The following PRRG1 variants were observed in gnomAD, a reference collection of about 807,000 sequenced individuals.
The protein encoded by PRRG1 is proline rich and Gla domain 1.
PRRG1 carries 5 observed loss-of-function variants against 11.8 expected under a neutral mutation model. The observed-to-expected ratio is 0.42, with a 90% CI of 0.22 to 0.89. PRRG1 has a LOEUF of 0.89. Ranked by LOEUF, PRRG1 falls within the 40% of genes least tolerant of loss-of-function variation. The pLI is 0.28. For missense variants in PRRG1, 155 were observed against 166.1 expected (o/e 0.93, Z 0.37); for synonymous variants, 66 against 60.4 (o/e 1.09, Z -0.43).
chrX:37,384,877 G>A (rs1931273753), intron 1 of PRRG1, among the ~76,000 whole-genome samples: 2 of 111,742 alleles, frequency 1.8e-5, no homozygotes, highest in African/African-American at 3.2e-5. Flanking sequence ...TTGGAAAACT[G>A]TTTAGTAGTA....
chrX:37,453,056 G>A lies in PRRG1; in HGVS notation c.172-80G>A, dbSNP rs1281270444. The A allele has an allele frequency of 4.8e-6, 5 of 1,034,000 alleles. No homozygotes were observed. The African/African-American group carries it at 9.7e-5, about 20-fold the overall frequency. The allele number at this position is 1,034,000 out of a possible 1,213,427, so 85.2% of individuals were successfully genotyped here. A position where few individuals can be genotyped will look rare whatever the true frequency, so the allele number is the denominator to read the frequency against. On this transcript the variant is annotated intron_variant, in intron 3 of 3. Transcript: ENST00000378628. ...TGGGTTTTTGTTCATTATGTTCATT[G>A]AACCCAGACATTTATTCATCTGGTA...
intron 1 of PRRG1, among the ~76,000 whole-genome samples, chrX:37,402,106 G>A (rs1932012754): frequency 9.0e-6 from 1 of 111,514 alleles, no homozygotes; most frequent in Non-Finnish European, 1.9e-5. Context: ...AGCTGCCAAT[G>A]ACTTTCTTCA....
intron 2 of PRRG1, among the ~76,000 whole-genome samples, chrX:37,421,704 T>A (rs1932665007): frequency 8.9e-6 from 1 of 112,260 alleles, no homozygotes; most frequent in Admixed American, 9.4e-5. Context: ...GTTCTCAGGA[T>A]CTCCTGAGGG....
intron 1 of PRRG1, among the ~76,000 whole-genome samples, chrX:37,372,024 C>T (rs1930778281): frequency 8.8e-6 from 1 of 113,029 alleles, no homozygotes; most frequent in African/African-American, 3.2e-5. Context: ...TATGGTAGTA[C>T]TTTTTAAATT....
intron 1 of PRRG1, among the ~76,000 whole-genome samples, chrX:37,356,047 C>T (rs1453649301): frequency 8.9e-6 from 1 of 112,360 alleles, no homozygotes; most frequent in Admixed American, 9.4e-5. Context: ...ACTGAGGATA[C>T]AACAGTATAT....
rs781910330 is a variant in PRRG1 at position 37,405,615 on chromosome X, G to A, written c.-41-594G>A. Among the ~76,000 whole-genome samples, 5 of 110,510 alleles carry A rather than the reference G, an allele frequency of 4.5e-5. No homozygotes were observed. The South Asian group carries it at 1.2e-3, about 26-fold the overall frequency. ...TGTACACCCTTTCTCTGTAATTGCA[G>A]TGTATGTTTTTTGTTTCTCCAAAGT... On this transcript the variant is annotated intron_variant, in intron 1 of 3. Transcript: ENST00000378628.
chrX:37,406,139 T>C, intron 1 of PRRG1, 70 bp from the exon 2 acceptor site: 3 of 970,307 alleles, frequency 3.1e-6, no homozygotes, highest in Non-Finnish European at 4.3e-6. Flanking sequence ...TCAGCTGTAC[T>C]GGAGCTTATC....
intron 1 of PRRG1, among the ~76,000 whole-genome samples, chrX:37,364,300 C>G (rs1422314689): frequency 8.9e-6 from 1 of 111,818 alleles, no homozygotes; most frequent in Non-Finnish European, 1.9e-5. Flanking sequence ...TTCTCATTAC[C>G]TCCTTTTCTC....
chrX:37,442,257 C>T, intron 3 of PRRG1: 1 of 739,001 alleles, frequency 1.4e-6, no homozygotes, highest in Non-Finnish European at 1.6e-6. Context: ...GCCTACAACA[C>T]TCTCACCTTT....
At chrX:37,403,589 C>T (rs1330940865) in intron 1 of PRRG1, among the ~76,000 whole-genome samples, 2 of 106,054 alleles carry the variant, frequency 1.9e-5, no homozygotes, top group Non-Finnish European at 3.9e-5. Flanking sequence ...TGTAACTAAG[C>T]TGGACATTGT....
intron 1 of PRRG1, among the ~76,000 whole-genome samples, chrX:37,382,694 T>C (rs1297202166): frequency 1.0e-5 from 1 of 96,612 alleles, no homozygotes; most frequent in Non-Finnish European, 1.9e-5. Flanking sequence ...CTCAACTCAT[T>C]AAAATATCTT....
At chrX:37,385,097 G>A (rs1428426419) in intron 1 of PRRG1, among the ~76,000 whole-genome samples, 1 of 111,987 alleles carries the variant, frequency 8.9e-6, no homozygotes, top group African/African-American at 3.3e-5. Flanking sequence ...TTAAATTTCT[G>A]TCAATAGAAT....
chrX:37,384,974 C>G (rs1450076264), intron 1 of PRRG1, among the ~76,000 whole-genome samples: 1 of 111,625 alleles, frequency 9.0e-6, no homozygotes, highest in African/African-American at 3.3e-5. Flanking sequence ...ATACACCCAA[C>G]AGAAATAGAA....
At chrX:37,442,850 A>T (rs1309104105) in intron 3 of PRRG1, among the ~76,000 whole-genome samples, 1 of 111,323 alleles carries the variant, frequency 9.0e-6, no homozygotes, top group African/African-American at 3.3e-5. Flanking sequence ...TTGCCCTTAC[A>T]AATCCTCTAC....
At chrX:37,440,449 G>A (rs190531475) in intron 3 of PRRG1, among the ~76,000 whole-genome samples, 181 of 111,662 alleles carry the variant, frequency 1.6e-3, no homozygotes, top group African/African-American at 5.6e-3. Flanking sequence ...GAACTTTTTT[G>A]GTTTGAGGCG....
At chrX:37,403,100 T>C (rs1159154199) in intron 1 of PRRG1, among the ~76,000 whole-genome samples, 3 of 109,094 alleles carry the variant, frequency 2.7e-5, no homozygotes, top group African/African-American at 1.0e-4. Context: ...GAACTAGAAA[T>C]ACCATTTGAC....
At chrX:37,451,175 C>T (rs782475560) in intron 3 of PRRG1, among the ~76,000 whole-genome samples, 94 of 111,569 alleles carry the variant, frequency 8.4e-4, no homozygotes, top group African/African-American at 2.9e-3. Flanking sequence ...TGCGCCACCA[C>T]GCCCGGCTAA....
intron 2 of PRRG1, among the ~76,000 whole-genome samples, chrX:37,422,131 T>A (rs1231933610): frequency 8.9e-6 from 1 of 112,005 alleles, no homozygotes; most frequent in Admixed American, 9.5e-5. Context: ...GTTACTGGAG[T>A]CAGTGGCTTG....
At chrX:37,431,996 C>T (rs966551463) in intron 3 of PRRG1, among the ~76,000 whole-genome samples, 19 of 109,357 alleles carry the variant, frequency 1.7e-4, no homozygotes, top group African/African-American at 6.0e-4. Context: ...AGGCTGGTCT[C>T]GAAATCCTGA....
Sources: allele counts gnomAD v4.1 joint callset (sites outside exome capture counted in the v4.1 genomes callset), GRCh38; gene constraint gnomAD v4.1.1; transcripts MANE v1.5; gene names NCBI Gene and HGNC (gene_info 2026-07-23, HGNC 2026-07-21).